The following PACRGL variants were observed in gnomAD, a reference collection of about 807,000 sequenced individuals.
PACRGL encodes PACRG-like protein.
Under a neutral mutation model 34.5 loss-of-function variants are expected in PACRGL, and 38 were observed. The ratio of observed to expected loss-of-function variants is 1.10; its 90% CI spans 0.85 to 1.44. PACRGL has a LOEUF of 1.44. Among genes scored for constraint, PACRGL ranks in the 40% most tolerant of loss-of-function variants. The probability of loss-of-function intolerance (pLI) is 0.00; values close to 1 mark genes in which losing one functional copy is unlikely to be tolerated. For synonymous variants in PACRGL, 128 were observed against 100.1 expected (o/e 1.28, Z -1.66); for missense variants, 305 against 281.4 (o/e 1.08, Z -0.60).
the PACRGL span, chr4:20,758,707 ATTC>A: frequency 1.2e-6 from 1 of 806,250 alleles, no homozygotes; most frequent in East Asian, 2.5e-5. Context: ...CTGTGCATTA[ATTC>A]TTTTACATAA....
chr4:20,758,072 G>A, the PACRGL span, among the ~76,000 whole-genome samples: 2 of 152,050 alleles, frequency 1.3e-5, no homozygotes, highest in African/African-American at 4.8e-5. Flanking sequence ...TTCCCCCTAC[G>A]TGATCAGCAC....
chr4:20,729,649 A>AATTAATTTAATTTCTGG lies in PACRGL; in HGVS notation c.*2310_*2326dup, dbSNP rs1276294838. On this transcript the variant is annotated 3_prime_UTR_variant, in exon 9 of 9. Transcript: ENST00000503585. ...TGGAATTACAGCATTCAAACATGAAAATTAATTTAATTTCTGGAAATTAAA... is the reference window on the plus strand; with the variant it reads ...TGGAATTACAGCATTCAAACATGAAAATTAATTTAATTTCTGGATTAATTTAATTTCTGGAAATTAAA... 1 of 152,518 alleles carries AATTAATTTAATTTCTGG rather than the reference A, an allele frequency of 6.6e-6. No homozygotes were observed. The highest frequency in any genetic ancestry group is 1.5e-5 in the Non-Finnish European group (1 of 68,694). 9.4% of individuals were successfully genotyped at this position (152,518 alleles called of 1,614,324 possible).
downstream of PACRGL, among the ~76,000 whole-genome samples, chr4:20,756,634 C>T (rs1754486566): frequency 6.6e-6 from 1 of 151,864 alleles, no homozygotes; most frequent in Non-Finnish European, 1.5e-5. Context: ...TGCAATTTGG[C>T]TTCTGCTTGT....
chr4:20,716,922 A>AC (rs1740337621), intron 7 of PACRGL, among the ~76,000 whole-genome samples: 1 of 152,232 alleles, frequency 6.6e-6, no homozygotes, highest in Non-Finnish European at 1.5e-5. Context: ...GTCTTACACA[A>AC]TGGTTGAACT....
chr4:20,757,981 T>TA, the PACRGL span, among the ~76,000 whole-genome samples: 3 of 152,178 alleles, frequency 2.0e-5, no homozygotes, highest in African/African-American at 7.2e-5. Context: ...TAATCACAGT[T>TA]ATACTTGAGT....
At chr4:20,733,456 C>T (rs75546969), downstream of PACRGL, among the ~76,000 whole-genome samples, 2,454 of 152,240 alleles carry the variant, frequency 0.016, 31 homozygotes, top group Non-Finnish European at 0.027. Context: ...ACATTTGTTT[C>T]ACGTGAAAGA....
chr4:20,736,912 A>AT (rs1313856829), downstream of PACRGL, among the ~76,000 whole-genome samples: 4 of 152,242 alleles, frequency 2.6e-5, no homozygotes, highest in African/African-American at 9.6e-5. Context: ...AACTTAGTAC[A>AT]AAGTTACATT....
chr4:20,707,199 T>C (rs1052560532), intron 3 of PACRGL, among the ~76,000 whole-genome samples: 1 of 152,234 alleles, frequency 6.6e-6, no homozygotes, highest in Non-Finnish European at 1.5e-5. Context: ...ATTGTTTAAC[T>C]GTTGTGATTG....
At chr4:20,746,303 A>G (rs1295861728) in intron 8 of PACRGL, among the ~76,000 whole-genome samples, 1 of 152,026 alleles carries the variant, frequency 6.6e-6, no homozygotes, top group Non-Finnish European at 1.5e-5. Context: ...GTTCTCACTC[A>G]TAGCTGGGAA....
intron 8 of PACRGL, among the ~76,000 whole-genome samples, chr4:20,740,582 CAT>C (rs941308382): frequency 6.6e-6 from 1 of 152,156 alleles, no homozygotes; most frequent in African/African-American, 2.4e-5. Flanking sequence ...AAGCACTAAA[CAT>C]AGAAAGGAAC....
chr4:20,721,942 G>A (rs1373185617), intron 7 of PACRGL, among the ~76,000 whole-genome samples: 2 of 152,178 alleles, frequency 1.3e-5, no homozygotes, highest in Non-Finnish European at 2.9e-5. Context: ...ACAGAGGCAG[G>A]CAGGCCTCCT....
chr4:20,762,453 T>A, the PACRGL span, among the ~76,000 whole-genome samples: 1 of 152,178 alleles, frequency 6.6e-6, no homozygotes, highest in Non-Finnish European at 1.5e-5. Flanking sequence ...TTCCCAGAGA[T>A]TTTTTATTGA....
downstream of PACRGL, chr4:20,734,677 C>T: frequency 6.2e-7 from 1 of 1,601,724 alleles, no homozygotes. Flanking sequence ...ATTAAATGCC[C>T]AATTGAGTTT....
chr4:20,709,899 T>G, intron 5 of PACRGL, 126 bp downstream of exon 5: 1 of 679,256 alleles, frequency 1.5e-6, no homozygotes, highest in Non-Finnish European at 2.6e-6. Flanking sequence ...CAATAGGCAT[T>G]GAAACACCAC....
rs1747463986 is a variant in PACRGL at position 20,729,770 on chromosome 4, A to T, written c.*2429A>T. 4.0e-6 allele frequency: 1 copy of T among 248,222 alleles called. No individual in the cohort carries two copies. Among genetic ancestry groups the T allele is most frequent in the Non-Finnish European group, 7.6e-6 (1 of 130,854 alleles). The allele number at this position is 248,222 out of a possible 1,614,324, so 15.4% of individuals were successfully genotyped here. A position where few individuals can be genotyped will look rare whatever the true frequency, so the allele number is the denominator to read the frequency against. On this transcript the variant is annotated 3_prime_UTR_variant, in exon 9 of 9. Coordinates refer to ENST00000503585, the MANE Select transcript of PACRGL (RefSeq NM_001258345.3). The stretch of plus-strand genomic sequence containing the variant: ...ACACTGATATTTTAAAATCACTGAT[A>T]TGTGAAAGCCTCAATAATCCCATGG...
At chr4:20,738,846 A>G (rs1326503640) in intron 8 of PACRGL, among the ~76,000 whole-genome samples, 1 of 152,148 alleles carries the variant, frequency 6.6e-6, no homozygotes, top group Non-Finnish European at 1.5e-5. Flanking sequence ...TAGCCAAGGG[A>G]AGCTGTGACA....
At chr4:20,761,896 G>A in the PACRGL span, among the ~76,000 whole-genome samples, 19 of 152,084 alleles carry the variant, frequency 1.2e-4, no homozygotes, top group Non-Finnish European at 2.1e-4. Context: ...CATTACATTA[G>A]TTTACATCTC....
chr4:20,721,838 A>G (rs1057457586), intron 7 of PACRGL, among the ~76,000 whole-genome samples: 1 of 151,904 alleles, frequency 6.6e-6, no homozygotes, highest in Admixed American at 6.6e-5. Flanking sequence ...GAGAACCACT[A>G]CTCTCTTCAA....
downstream of PACRGL, among the ~76,000 whole-genome samples, chr4:20,734,432 G>C (rs1749092824): frequency 6.6e-6 from 1 of 152,216 alleles, no homozygotes; most frequent in Non-Finnish European, 1.5e-5. Context: ...ATCTTTATGT[G>C]TTATATATTT....
Sources: allele counts gnomAD v4.1 joint callset (sites outside exome capture counted in the v4.1 genomes callset), GRCh38; gene constraint gnomAD v4.1.1; transcripts MANE v1.5; gene names NCBI Gene and HGNC (gene_info 2026-07-23, HGNC 2026-07-21).